The following SLC36A1 variants were observed in gnomAD, a reference collection of about 807,000 sequenced individuals.
SLC36A1 encodes proton-coupled amino acid transporter 1.
In SLC36A1, 30 loss-of-function variants were observed where a neutral mutation model predicts 47.5. The ratio of observed to expected loss-of-function variants is 0.63; its 90% confidence interval spans 0.47 to 0.86. The LOEUF is 0.86. Among genes scored for constraint, SLC36A1 ranks in the 40% least tolerant of loss-of-function variants. The probability of loss-of-function intolerance (pLI) is 0.00; values close to 1 mark genes in which losing one functional copy is unlikely to be tolerated. For missense variants in SLC36A1, 517 were observed against 606.0 expected, an observed-to-expected ratio of 0.85 and a Z score of 1.54; for synonymous variants, 255 against 249.7, an observed-to-expected ratio of 1.02 and a Z score of -0.20.
the SLC36A1 span, among the ~76,000 whole-genome samples, chr5:151,520,417 A>G: frequency 6.6e-6 from 1 of 152,174 alleles, no homozygotes; most frequent in African/African-American, 2.4e-5. Context: ...ACTAAATCTC[A>G]TATCTCAGTT....
chr5:151,484,201 G>A (rs543880047), intron 10 of SLC36A1, among the ~76,000 whole-genome samples: 1 of 152,232 alleles, frequency 6.6e-6, no homozygotes, highest in African/African-American at 2.4e-5. Context: ...GGGAGAGGGT[G>A]GGGAGATGAC....
chr5:151,522,354 T>C, the SLC36A1 span, among the ~76,000 whole-genome samples: 2 of 152,212 alleles, frequency 1.3e-5, no homozygotes, highest in African/African-American at 4.8e-5. Context: ...TCATGTGACA[T>C]CTCTCTGAGC....
chr5:151,527,253 T>C, the SLC36A1 span: 1 of 1,611,734 alleles, frequency 6.2e-7, no homozygotes, highest in Non-Finnish European at 8.5e-7. Context: ...GGTGCTGTAG[T>C]TGAGCTGGAA....
chr5:151,531,241 C>T, the SLC36A1 span, among the ~76,000 whole-genome samples: 1 of 152,190 alleles, frequency 6.6e-6, no homozygotes, highest in Admixed American at 6.5e-5. This position sits in a 1 kb window ranked among gnomAD's most constrained non-coding sequence, Gnocchi z 5.7. Context: ...GCAAGGGCTC[C>T]CTGCCTCTGC....
chr5:151,388,196 G>C, the SLC36A1 span, among the ~76,000 whole-genome samples: 1 of 152,044 alleles, frequency 6.6e-6, no homozygotes, highest in Non-Finnish European at 1.5e-5. Flanking sequence ...CCTGGAGGAG[G>C]CTTCATCTGC....
the SLC36A1 span, among the ~76,000 whole-genome samples, chr5:151,347,069 G>C: frequency 6.6e-6 from 1 of 152,202 alleles, no homozygotes; most frequent in Non-Finnish European, 1.5e-5. Flanking sequence ...TTGAGCCTCA[G>C]TTTCCCCACC....
chr5:151,550,655 C>CCCT, the SLC36A1 span: 1 of 1,614,212 alleles, frequency 6.2e-7, no homozygotes, highest in Non-Finnish European at 8.5e-7. Flanking sequence ...GTTACCAGGA[C>CCCT]ACCACTGCTT....
At chr5:151,436,454 A>G (rs1353170188), upstream of SLC36A1, among the ~76,000 whole-genome samples, 1 of 152,024 alleles carries the variant, frequency 6.6e-6, no homozygotes, top group Admixed American at 6.5e-5. Flanking sequence ...CCTATGGCAA[A>G]TTATGATCAA....
chr5:151,417,198 T>A, the SLC36A1 span, among the ~76,000 whole-genome samples: 1 of 152,154 alleles, frequency 6.6e-6, no homozygotes, highest in East Asian at 1.9e-4. Context: ...AATGTGGAAA[T>A]TATTTTGGAA....
intron 10 of SLC36A1, among the ~76,000 whole-genome samples, chr5:151,481,032 A>G (rs920920402): frequency 6.6e-6 from 1 of 152,212 alleles, no homozygotes. Context: ...AGCCTGGCTC[A>G]GCCTCCCTGT....
At chr5:151,505,302 T>C in the SLC36A1 span, 3 of 532,560 alleles carry the variant, frequency 5.6e-6, no homozygotes, top group Non-Finnish European at 9.9e-6. Context: ...GAGTCAATTG[T>C]TCCTGGTTTT....
At chr5:151,433,078 T>C (rs1759464048), upstream of SLC36A1, among the ~76,000 whole-genome samples, 1 of 151,128 alleles carries the variant, frequency 6.6e-6, no homozygotes, top group Non-Finnish European at 1.5e-5. Flanking sequence ...AAAATGAACA[T>C]ACTCAATAAA....
downstream of SLC36A1, among the ~76,000 whole-genome samples, chr5:151,494,147 G>A (rs137999266): frequency 1.7e-3 from 259 of 152,254 alleles, 1 homozygote; most frequent in African/African-American, 6.0e-3. Context: ...CTGAGTGACA[G>A]TGGACTGAAT....
chr5:151,370,846 A>T, the SLC36A1 span, among the ~76,000 whole-genome samples: 55 of 152,230 alleles, frequency 3.6e-4, no homozygotes, highest in African/African-American at 1.3e-3. Flanking sequence ...TACAAAAATT[A>T]GCCGGGCGTG....
chr5:151,527,366 A>G, the SLC36A1 span: 3 of 1,609,122 alleles, frequency 1.9e-6, no homozygotes, highest in African/African-American at 4.0e-5. Flanking sequence ...GCTTCAGGGA[A>G]TAACTAGAGG....
At chr5:151,412,180 T>G in the SLC36A1 span, among the ~76,000 whole-genome samples, 2 of 144,708 alleles carry the variant, frequency 1.4e-5, no homozygotes, top group African/African-American at 5.0e-5. Flanking sequence ...GGTAAGACAA[T>G]GTAAGGAATG....
the SLC36A1 span, among the ~76,000 whole-genome samples, chr5:151,499,610 G>A: frequency 6.6e-6 from 1 of 152,110 alleles, no homozygotes; most frequent in Admixed American, 6.5e-5. Flanking sequence ...CTTTTTGAGG[G>A]TTCTAGCCCA....
chr5:151,468,263 AAAAATAT>A (rs1203937354), intron 7 of SLC36A1, among the ~76,000 whole-genome samples: 1 of 80,890 alleles, frequency 1.2e-5, no homozygotes, highest in African/African-American at 7.7e-5. Context: ...AAAAAAAAAA[AAAAATAT>A]ATATATATAT....
At chr5:151,350,668 G>A in the SLC36A1 span, among the ~76,000 whole-genome samples, 2 of 151,966 alleles carry the variant, frequency 1.3e-5, no homozygotes, top group Non-Finnish European at 2.9e-5. Context: ...CCCTAAAGCT[G>A]GAAGAACATA....
Sources: gnomAD v4.1 joint callset for allele counts (sites outside exome capture counted in the v4.1 genomes callset) on GRCh38, gnomAD v4.1.1 for gene constraint, Gnocchi (gnomAD v3.1) non-coding constraint, MANE v1.5 for transcripts, NCBI Gene and HGNC (gene_info 2026-07-23, HGNC 2026-07-21) for gene names.